Variants in PCDH7 observed in about 807,000 individuals in gnomAD.
The protein encoded by PCDH7 is protocadherin-7.
PCDH7 carries 17 observed loss-of-function variants against 58.9 expected under a neutral mutation model. The ratio of observed to expected loss-of-function variants is 0.29; its 90% CI spans 0.20 to 0.43. The LOEUF (loss-of-function observed/expected upper bound fraction) is 0.43. Among genes scored for constraint, PCDH7 ranks in the 20% least tolerant of loss-of-function variants. The pLI, the probability that PCDH7 is intolerant of heterozygous loss-of-function variation, is 1.00. For missense variants in PCDH7, 1,274 were observed against 1,441.0 expected (o/e 0.88, Z 1.88); for synonymous variants, 664 against 616.4 (o/e 1.08, Z -1.14).
intron 3 of PCDH7, among the ~76,000 whole-genome samples, chr4:31,067,133 T>C (rs913193719): frequency 2.6e-5 from 4 of 151,918 alleles, no homozygotes; most frequent in Non-Finnish European, 5.9e-5. Context: ...CCAAGTGTAC[T>C]ATGCATGGGA....
At chr4:31,015,623 A>G (rs1321296508) in intron 3 of PCDH7, among the ~76,000 whole-genome samples, 1 of 152,172 alleles carries the variant, frequency 6.6e-6, no homozygotes, top group Non-Finnish European at 1.5e-5. Context: ...TCTGTCTCTG[A>G]ACTCCCTCAT....
intron 1 of PCDH7, among the ~76,000 whole-genome samples, chr4:30,745,979 A>G (rs1372562119): frequency 6.6e-6 from 1 of 152,088 alleles, no homozygotes; most frequent in African/African-American, 2.4e-5. Flanking sequence ...AGCTGGGATT[A>G]CAGGCATGCA....
Position 31,035,558 on chromosome 4 carries a change from T to C in PCDH7, c.*7+85343T>C, listed in dbSNP as rs567076201. Among the ~76,000 whole-genome samples the C allele has an allele frequency of 3.9e-5, 6 of 152,234 alleles. No homozygotes were observed. The South Asian group carries it at 1.2e-3, about 32-fold the overall frequency. On this transcript the variant is annotated intron_variant, in intron 3 of 3. Transcript: ENST00000509759. ...CTTGAGCCACAGCGTCGGCCACATC[T>C]ATGTTTCTTAATAACACTTTTGCTC...
Position 31,124,412 on chromosome 4 carries a change from C to A in PCDH7, c.*8-18061C>A, listed in dbSNP as rs138581817. Among the ~76,000 whole-genome samples, 1,263 of 152,252 alleles carry A rather than the reference C, an allele frequency of 8.3e-3. 13 individuals are homozygous for A. The highest frequency in any genetic ancestry group is 0.029 in the African/African-American group (1,200 of 41,540). ...AAAGCAGACTTCCTTTGTTCAGATA[C>A]CTGAGTGTTAACCACCCCGATTCAT... is the stretch of plus-strand genomic sequence containing the variant. On this transcript the variant is annotated intron_variant, in intron 3 of 3. Coordinates refer to the PCDH7 transcript ENST00000509759.
At chr4:31,059,508 C>A (rs1247330990) in intron 3 of PCDH7, among the ~76,000 whole-genome samples, 1 of 151,732 alleles carries the variant, frequency 6.6e-6, no homozygotes, top group Non-Finnish European at 1.5e-5. Context: ...TAAATATTTT[C>A]TTCTAAAGAT....
intron 1 of PCDH7, among the ~76,000 whole-genome samples, chr4:30,843,193 G>A (rs1177820209): frequency 6.6e-6 from 1 of 151,062 alleles, no homozygotes; most frequent in East Asian, 1.9e-4. Context: ...TTCGAATATA[G>A]AACTTTATTA....
intron 3 of PCDH7, among the ~76,000 whole-genome samples, chr4:31,100,423 C>G (rs944667674): frequency 6.6e-6 from 1 of 152,154 alleles, no homozygotes; most frequent in African/African-American, 2.4e-5. Context: ...AATACAGATT[C>G]ATATTACTTG....
chr4:30,900,410 C>T (rs551596886), intron 1 of PCDH7, among the ~76,000 whole-genome samples: 2 of 152,256 alleles, frequency 1.3e-5, no homozygotes, highest in East Asian at 3.9e-4. Flanking sequence ...TGAATCTCCT[C>T]CCTCAGTCTT....
At chr4:31,055,011 T>A (rs1372306790) in intron 3 of PCDH7, among the ~76,000 whole-genome samples, 1 of 152,196 alleles carries the variant, frequency 6.6e-6, no homozygotes, top group Non-Finnish European at 1.5e-5. Flanking sequence ...TTTATAGCAT[T>A]ACCTCTAAGG....
chr4:31,010,395 C>T (rs928542836), intron 3 of PCDH7, among the ~76,000 whole-genome samples: 22 of 151,860 alleles, frequency 1.4e-4, no homozygotes, highest in Non-Finnish European at 3.2e-4. Context: ...GCCTTTCCCT[C>T]CTTAGCTTTA....
At chr4:31,074,549 A>G (rs6813325) in intron 3 of PCDH7, among the ~76,000 whole-genome samples, 96,830 of 151,482 alleles carry the variant, frequency 0.64, 32,191 homozygotes, top group African/African-American at 0.82. Context: ...CTCAGAGGCC[A>G]AGGAGGGTGG....
chr4:31,110,949 C>T (rs1439819024), intron 3 of PCDH7, among the ~76,000 whole-genome samples: 1 of 150,598 alleles, frequency 6.6e-6, no homozygotes, highest in African/African-American at 2.4e-5. Context: ...CAAACACTAA[C>T]TTAGATCATG....
At chr4:31,136,991 A>G (rs1719680171) in intron 3 of PCDH7, among the ~76,000 whole-genome samples, 1 of 152,246 alleles carries the variant, frequency 6.6e-6, no homozygotes, top group South Asian at 2.1e-4. Context: ...CATTTATTTA[A>G]TCATTTGAGT....
intron 2 of PCDH7, among the ~76,000 whole-genome samples, chr4:30,938,531 G>C (rs1415838402): frequency 6.6e-6 from 1 of 151,576 alleles, no homozygotes; most frequent in Non-Finnish European, 1.5e-5. Flanking sequence ...CACCAGCCTT[G>C]ATAGGCTAGG....
chr4:30,834,295 C>T (rs1348457942), intron 1 of PCDH7, among the ~76,000 whole-genome samples: 3 of 152,098 alleles, frequency 2.0e-5, no homozygotes, highest in Non-Finnish European at 4.4e-5. Context: ...GAACAAAGGG[C>T]CCTGCTTTTT....
chr4:30,864,797 G>T lies in PCDH7; in HGVS notation c.71-55356G>T, dbSNP rs561169009. Among the ~76,000 whole-genome samples, 384 of 152,172 alleles carry T rather than the reference G, an allele frequency of 2.5e-3. 1 individual carries two copies. The highest frequency in any genetic ancestry group is 2.6e-3 in the Non-Finnish European group (176 of 68,018). ...GTAATTCAGTGCAAAAGTTCTCACA[G>T]GCTGGATTAGGGGTGGAGTTTTACA... On this transcript the variant is annotated intron_variant, in intron 1 of 3. Transcript: ENST00000509759.
At chr4:30,897,040 G>A (rs1206134595) in intron 1 of PCDH7, among the ~76,000 whole-genome samples, 1 of 151,456 alleles carries the variant, frequency 6.6e-6, no homozygotes, top group Non-Finnish European at 1.5e-5. Context: ...GCGTAGCTGG[G>A]ACTACAGGCG....
intron 3 of PCDH7, among the ~76,000 whole-genome samples, chr4:30,990,416 T>C (rs996792343): frequency 6.6e-6 from 1 of 152,148 alleles, no homozygotes; most frequent in African/African-American, 2.4e-5. Context: ...CTACTTACTA[T>C]GATTTTGCAT....
chr4:31,101,030 T>C (rs1403585724), intron 3 of PCDH7, among the ~76,000 whole-genome samples: 1 of 152,130 alleles, frequency 6.6e-6, no homozygotes, highest in Non-Finnish European at 1.5e-5. Context: ...CACAAAAGAC[T>C]GCACAGGAGA....
Sources: allele counts gnomAD v4.1 joint callset (sites outside exome capture counted in the v4.1 genomes callset), GRCh38; gene constraint gnomAD v4.1.1; transcripts MANE v1.5; gene names NCBI Gene and HGNC (gene_info 2026-07-23, HGNC 2026-07-21).